EIF2D: variants seen among roughly 807,000 people sequenced by gnomAD.
The protein encoded by EIF2D is eukaryotic translation initiation factor 2D.
A neutral mutation model predicts 77.4 loss-of-function variants in EIF2D; 56 were observed. That is an observed-to-expected ratio of 0.72 (90% CI 0.58 to 0.90). The LOEUF is 0.90. Among genes scored for constraint, EIF2D ranks in the 40% least tolerant of loss-of-function variants. EIF2D has a pLI of 0.00. For synonymous variants in EIF2D, 230 were observed against 271.0 expected (o/e 0.85, Z 1.49); for missense variants, 574 against 706.5 (o/e 0.81, Z 2.13).
In EIF2D at chr1:206,593,890, G is replaced by C. The variant is rs533313958; in HGVS notation, c.1510-97C>G. 24 of 1,089,546 alleles carry C rather than the reference G, an allele frequency of 2.2e-5. No individual in the cohort carries two copies. The African/African-American group carries it at 3.0e-4, about 14-fold the overall frequency. The allele number at this position is 1,089,546 out of a possible 1,614,324, so 67.5% of individuals were successfully genotyped here. On this transcript the variant is annotated intron_variant, in intron 13 of 14. Coordinates refer to ENST00000271764, the MANE Select transcript of EIF2D (RefSeq NM_006893.3). ...CCTCAGCAGCCTTCTGAGCCCCTGT[G>C]TTCTCTGATGGTTCACCATTCCTAT...
chr1:206,594,069 A>G (rs1160785465), intron 13 of EIF2D: 1 of 254,664 alleles, frequency 3.9e-6, no homozygotes, highest in Non-Finnish European at 7.5e-6. Context: ...TATTTGGAGA[A>G]TTCAAAACAT....
intron 5 of EIF2D, among the ~76,000 whole-genome samples, chr1:206,604,241 G>A (rs115043428): frequency 0.027 from 4,032 of 152,062 alleles, 80 homozygotes; most frequent in Middle Eastern, 0.041. Context: ...TTAGGAGTTC[G>A]AGACTAGCCT....
At chr1:206,583,410 C>T in intron 2 of EIF2D, 1 of 1,457,444 alleles carries the variant, frequency 6.9e-7, no homozygotes, top group Non-Finnish European at 9.6e-7. Flanking sequence ...AACCTGGCCC[C>T]TGCTCCACCA....
At chr1:206,605,330 T>A in intron 5 of EIF2D, 70 bp downstream of exon 5, 1 of 1,230,202 alleles carries the variant, frequency 8.1e-7, no homozygotes, top group Non-Finnish European at 1.2e-6. Flanking sequence ...CTCTCACTCC[T>A]GAATCACAGG....
chr1:206,574,365 A>G (rs1010949817), intron 4 of EIF2D, among the ~76,000 whole-genome samples: 74 of 152,328 alleles, frequency 4.9e-4, no homozygotes, highest in African/African-American at 1.7e-3. Context: ...ACAGGGTCAC[A>G]TCCCATCTGC....
intron 14 of EIF2D, 125 bp downstream of exon 14, chr1:206,593,488 CGAGAGA>C (rs781847594): frequency 1.9e-4 from 58 of 307,548 alleles, no homozygotes; most frequent in African/African-American, 6.9e-4. Flanking sequence ...AGAGAGAGAG[CGAGAGA>C]GAGAGAGAGA....
downstream of EIF2D, chr1:206,571,230 A>G (rs1411913977): frequency 6.6e-6 from 1 of 151,084 alleles, no homozygotes; most frequent in African/African-American, 2.4e-5. Context: ...GATCATATAT[A>G]GATCTTCTTT....
At position 206,612,272 on chromosome 1, in the gene EIF2D, C is replaced by G; in HGVS notation, c.56+15G>C. Reference sequence around the variant, plus strand: ...TGGTTGTTCCGTGGCAGAGCAGGCCCCTTTCCTCCCTCACCTGTCCGACCC... The same window carrying G: ...TGGTTGTTCCGTGGCAGAGCAGGCCGCTTTCCTCCCTCACCTGTCCGACCC... On this transcript the variant is annotated intron_variant, in intron 1 of 14. Coordinates refer to ENST00000271764, the MANE Select transcript of EIF2D (RefSeq NM_006893.3). The G allele has an allele frequency of 3.1e-6, 5 of 1,614,260 alleles. No individual in the cohort carries two copies.
chr1:206,599,486 C>T lies in EIF2D; in HGVS notation c.1179G>A (p.Leu393=), dbSNP rs1553410810. The part of the protein sequence containing the change: ...PLYCVPASMT[L]LFQESGHKKG... ...ACTTGTGGCCAGACTCCTGGAAGAG[C>T]AGGGTCATGCTGGCTGGGACACAGT... Residue 393 remains leucine, a synonymous_variant, in exon 10 of 15, where the codon CTG becomes CTA. Transcript: ENST00000271764. This position sits in a 1 kb window ranked among gnomAD's most constrained non-coding sequence, Gnocchi z 4.1. 3 of 1,613,932 alleles carry T rather than the reference C, an allele frequency of 1.9e-6. No homozygotes were observed. Among genetic ancestry groups the T allele is most frequent in the Admixed American group, 3.3e-5 (2 of 59,972 alleles).
rs1669809934 is a variant in EIF2D at position 206,599,398 on chromosome 1, G to A, written c.1202+65C>T. 1 of 1,588,010 alleles carries A rather than the reference G, an allele frequency of 6.3e-7. No homozygotes were observed. The highest frequency in any genetic ancestry group is 8.6e-7 in the Non-Finnish European group (1 of 1,166,898). On this transcript the variant is annotated intron_variant, in intron 10 of 14. Transcript: ENST00000271764. The surrounding 1 kb of genome is among the most constrained non-coding windows in gnomAD (Gnocchi z 4.1). ...GCCAGTCGCAAAAGAGCACTACTCA[G>A]GTTGAGAGGAACTGTAGGCCAGAAC...
chr1:206,597,582 TGA>T (rs1466242904), intron 11 of EIF2D, among the ~76,000 whole-genome samples: 1 of 151,662 alleles, frequency 6.6e-6, no homozygotes, highest in Admixed American at 6.6e-5. Context: ...TTTGGGAGGC[TGA>T]GGCGGGAGGA....
Position 206,609,955 on chromosome 1 carries a change from G to A in EIF2D, c.248-496C>T, listed in dbSNP as rs541085415. Reference sequence around the variant, plus strand: ...CCTAAGGATATTGCATTGCACTATTGCAGACAACCCTGGAGGATGAAAAGC... The same window carrying A: ...CCTAAGGATATTGCATTGCACTATTACAGACAACCCTGGAGGATGAAAAGC... On this transcript the variant is annotated intron_variant, in intron 2 of 14. Transcript: ENST00000271764. Among the ~76,000 whole-genome samples, 106 of 152,198 alleles carry A rather than the reference G, an allele frequency of 7.0e-4. 2 individuals are homozygous for A. The highest frequency in any genetic ancestry group is 2.5e-3 in the African/African-American group (104 of 41,510).
chr1:206,597,236 T>A, intron 11 of EIF2D, 41 bp from the exon 12 acceptor site: 1 of 1,505,836 alleles, frequency 6.6e-7, no homozygotes. Context: ...CCTAGACTTG[T>A]CCCTTCTGAC....
At chr1:206,601,692 A>T (rs1669926601) in intron 7 of EIF2D, 1 of 152,330 alleles carries the variant, frequency 6.6e-6, no homozygotes, top group African/African-American at 2.4e-5. Context: ...TCTTTACAGC[A>T]ATCCCATGAT....
At chr1:206,580,486 G>A (rs1365287971) in intron 4 of EIF2D, among the ~76,000 whole-genome samples, 1 of 152,178 alleles carries the variant, frequency 6.6e-6, no homozygotes, top group Non-Finnish European at 1.5e-5. Flanking sequence ...AGCTCCCAGC[G>A]GGAAGGTATA....
At chr1:206,602,650 A>G (rs1553411564) in intron 6 of EIF2D, 197 bp from the exon 7 acceptor site, 4 of 632,070 alleles carry the variant, frequency 6.3e-6, no homozygotes, top group Non-Finnish European at 1.1e-5. Context: ...TCAAGCCACA[A>G]AGTCCCACCA....
downstream of EIF2D, among the ~76,000 whole-genome samples, chr1:206,569,346 G>A (rs948225624): frequency 2.6e-5 from 4 of 152,212 alleles, no homozygotes; most frequent in Non-Finnish European, 5.9e-5. Flanking sequence ...TTTGGGAGGG[G>A]AAGAAGAGGA....
chr1:206,572,881 T>A (rs1553404464), intron 4 of EIF2D, among the ~76,000 whole-genome samples: 2 of 152,194 alleles, frequency 1.3e-5, no homozygotes, highest in Non-Finnish European at 2.9e-5. Context: ...ATGAAAGTCA[T>A]AATGTGGCCT....
Position 206,602,336 on chromosome 1 carries a change from C to A in EIF2D, c.902G>T (p.Cys301Phe). 6.2e-7 allele frequency: 1 copy of A among 1,613,890 alleles called. No homozygotes were observed. The highest frequency in any genetic ancestry group is 8.5e-7 in the Non-Finnish European group (1 of 1,179,758). ...TFLGSHMFSC[C>F]PEGRQLDIKK... ...CAGCCCACATCAGTGCTTTCCATAC[C>A]AGCAGGAGAACATGTGGCTGCCAAG... Residue 301 changes from cysteine (C) to phenylalanine (F), a missense_variant and splice_region_variant, in exon 7 of 15, where the codon TGC (cysteine) becomes TTC (phenylalanine). Physicochemically the swap from Cys to Phe is radical, Grantham distance 205. Coordinates refer to ENST00000271764, the MANE Select transcript of EIF2D (RefSeq NM_006893.3).
Sources: allele counts gnomAD v4.1 joint callset (sites outside exome capture counted in the v4.1 genomes callset), GRCh38; gene constraint gnomAD v4.1.1; non-coding constraint Gnocchi (gnomAD v3.1); transcripts MANE v1.5; gene names NCBI Gene and HGNC (gene_info 2026-07-23, HGNC 2026-07-21).